Variants in PPIA observed in about 807,000 individuals in gnomAD.
PPIA encodes peptidylprolyl isomerase A.
A neutral mutation model predicts 15.3 loss-of-function variants in PPIA; 2 were observed. That is an observed-to-expected ratio of 0.13 (90% CI 0.05 to 0.41). The LOEUF (loss-of-function observed/expected upper bound fraction) is 0.41. Among genes scored for constraint, PPIA ranks in the 10% least tolerant of loss-of-function variants. The pLI is 0.99. For missense variants in PPIA, 103 were observed against 210.3 expected (o/e 0.49, Z 3.16); for synonymous variants, 67 against 73.1 (o/e 0.92, Z 0.43).
chr7:44,796,901 C>A, intron 1 of PPIA, 108 bp downstream of exon 1: 1 of 1,192,116 alleles, frequency 8.4e-7, no homozygotes, highest in Non-Finnish European at 1.1e-6. Flanking sequence ...GCTTGAGGGG[C>A]GAGCGCGGGC....
chr7:44,798,599 C>A, intron 1 of PPIA: 1 of 347,228 alleles, frequency 2.9e-6, no homozygotes, highest in Non-Finnish European at 4.1e-6. Flanking sequence ...TTATAAAATG[C>A]TACTTTTAAA....
intron 1 of PPIA, among the ~76,000 whole-genome samples, chr7:44,797,408 A>G (rs563839117): frequency 6.6e-6 from 1 of 152,328 alleles, no homozygotes; most frequent in African/African-American, 2.4e-5. Flanking sequence ...TGGATAAAGT[A>G]GGAATATTTA....
chr7:44,797,589 G>T (rs1029446222), intron 1 of PPIA, among the ~76,000 whole-genome samples: 5 of 152,276 alleles, frequency 3.3e-5, no homozygotes, highest in South Asian at 2.1e-4. Flanking sequence ...AGCAAGTTGC[G>T]ACTGGCCACA....
Position 44,803,042 on chromosome 7 carries a change from C to T in PPIA, c.*1620C>T, listed in dbSNP as rs1438470209. 1 of 152,126 alleles carries T rather than the reference C, an allele frequency of 6.6e-6. No individual in the cohort carries two copies. The highest frequency in any genetic ancestry group is 1.5e-5 in the Non-Finnish European group (1 of 68,040). The allele number at this position is 152,126 out of a possible 1,614,324, so 9.4% of individuals were successfully genotyped here. A position where few individuals can be genotyped will look rare whatever the true frequency, so the allele number is the denominator to read the frequency against. On this transcript the variant is annotated 3_prime_UTR_variant, in exon 5 of 5. Coordinates refer to ENST00000468812, the MANE Select transcript of PPIA (RefSeq NM_021130.5). The stretch of plus-strand genomic sequence containing the variant: ...CTGGTTACGTATTCCCTGGGTGATA[C>T]CATTCAATGTCTTAATGTACTTGTG...
Position 44,801,405 on chromosome 7 carries a change from T to C in PPIA, c.481T>C (p.Cys161Arg). The change falls in exon 5 of 5, where the codon TGT (cysteine) becomes CGT (arginine). Residue 161 changes from cysteine (C) to arginine (R), a missense_variant. Coordinates refer to ENST00000468812, the MANE Select transcript of PPIA (RefSeq NM_021130.5). ...CAGCAAGAAGATCACCATTGCTGAC[T>C]GTGGACAACTCGAATAAGTTTGACT... ...KTSKKITIAD[C>R]GQLE The C allele has an allele frequency of 1.3e-6, 2 of 1,550,308 alleles. No homozygotes were observed. The highest frequency in any genetic ancestry group is 1.8e-6 in the Non-Finnish European group (2 of 1,130,210).
At chr7:44,798,976 T>G in intron 1 of PPIA, 1 of 1,191,050 alleles carries the variant, frequency 8.4e-7, no homozygotes, top group Admixed American at 4.0e-5. Context: ...GAAGTAGGTG[T>G]GATGTACTAA....
At chr7:44,798,817 A>G in intron 1 of PPIA, 1 of 995,526 alleles carries the variant, frequency 1.0e-6, no homozygotes, top group Non-Finnish European at 1.2e-6. Context: ...GATTGGAGGT[A>G]GTAGCATTTT....
At position 44,799,408 on chromosome 7, in the gene PPIA, G is replaced by A. The variant is rs959651836; in HGVS notation, c.117G>A (p.Leu39=). Residue 39 remains leucine, a synonymous_variant, in exon 3 of 5, where the codon CTG becomes CTA. Coordinates refer to ENST00000468812, the MANE Select transcript of PPIA (RefSeq NM_021130.5). The part of the protein sequence containing the change: ...VPKTAENFRA[L]STGEKGFGYK... ...TTTAAACAGAAAATTTTCGTGCTCT[G>A]AGCACTGGAGAGAAAGGATTTGGTT... 2 of 1,612,998 alleles carry A rather than the reference G, an allele frequency of 1.2e-6. No individual in the cohort carries two copies. The highest frequency in any genetic ancestry group is 1.7e-6 in the Non-Finnish European group (2 of 1,179,920).
chr7:44,796,978 G>A (rs1376167141), intron 1 of PPIA, among the ~76,000 whole-genome samples, 185 bp downstream of exon 1: 2 of 152,142 alleles, frequency 1.3e-5, no homozygotes, highest in African/African-American at 2.4e-5. Context: ...GGAGGAGGCC[G>A]GGACGGCGGC....
chr7:44,799,682 T>C lies in PPIA; in HGVS notation c.190-20T>C, dbSNP rs1236198068. 5 of 1,613,708 alleles carry C rather than the reference T, an allele frequency of 3.1e-6. No homozygotes were observed. Among genetic ancestry groups the C allele is most frequent in the African/African-American group, 1.3e-5 (1 of 74,934 alleles). ...CATGGTTATGTTGTCAGAAGTGACA[T>C]TTTTCCTATATGTTGACAGGGTGGT... On this transcript the variant is annotated intron_variant, in intron 3 of 4. Coordinates refer to ENST00000468812, the MANE Select transcript of PPIA (RefSeq NM_021130.5).
At chr7:44,801,172 CA>C (rs1202870500) in intron 4 of PPIA, 114 bp from the exon 5 acceptor site, 1 of 1,194,896 alleles carries the variant, frequency 8.4e-7, no homozygotes, top group East Asian at 2.6e-5. Flanking sequence ...ACATTTAGTA[CA>C]AAAGGCTTCA....
At position 44,802,903 on chromosome 7, in the gene PPIA, T is replaced by G. The variant is rs1792608415; in HGVS notation, c.*1481T>G. 1 of 152,220 alleles carries G rather than the reference T, an allele frequency of 6.6e-6. No homozygotes were observed. The highest frequency in any genetic ancestry group is 1.5e-5 in the Non-Finnish European group (1 of 68,042). 9.4% of individuals were successfully genotyped at this position (152,220 alleles called of 1,614,324 possible). On this transcript the variant is annotated 3_prime_UTR_variant, in exon 5 of 5. Transcript: ENST00000468812. ...ACCCAGCAATCAAGTTTGCCTATCC[T>G]AGAGGTGGCGGATTTGATCATTTGG...
intron 1 of PPIA, chr7:44,798,966 G>A: frequency 8.5e-7 from 1 of 1,175,612 alleles, no homozygotes; most frequent in Non-Finnish European, 1.1e-6. Flanking sequence ...TATCTTTTCA[G>A]AAGTAGGTGT....
chr7:44,798,086 G>A (rs563917157), intron 1 of PPIA: 8 of 152,324 alleles, frequency 5.3e-5, no homozygotes, highest in Non-Finnish European at 1.2e-4. Flanking sequence ...TCAGGGAAAT[G>A]AGAAAGGACT....
chr7:44,798,902 C>G (rs1045633522), intron 1 of PPIA: 2 of 1,061,738 alleles, frequency 1.9e-6, no homozygotes, highest in African/African-American at 1.7e-5. Flanking sequence ...AGAATTTTGC[C>G]TTGTAAGTTC....
intron 4 of PPIA, chr7:44,800,398 C>CTTTTTTTTTT (rs57466816): frequency 7.0e-6 from 1 of 142,290 alleles, no homozygotes; most frequent in Non-Finnish European, 1.5e-5. Context: ...CAATTAAGTG[C>CTTTTTTTTTT]TTTTTTTTTT....
rs952331234 is a variant in PPIA at position 44,802,622 on chromosome 7, C to T, written c.*1200C>T. On this transcript the variant is annotated 3_prime_UTR_variant, in exon 5 of 5. Transcript: ENST00000468812. Reference sequence around the variant, plus strand: ...TCAGTCTCCCTGCAGAGGGTTAAGGCGCAGACTACCTGCAGTGAGGAGGTA... The same window carrying T: ...TCAGTCTCCCTGCAGAGGGTTAAGGTGCAGACTACCTGCAGTGAGGAGGTA... 3 of 152,090 alleles carry T rather than the reference C, an allele frequency of 2.0e-5. No individual in the cohort carries two copies. The highest frequency in any genetic ancestry group is 7.2e-5 in the African/African-American group (3 of 41,408). 9.4% of individuals were successfully genotyped at this position (152,090 alleles called of 1,614,324 possible). A position where few individuals can be genotyped will look rare whatever the true frequency, so the allele number is the denominator to read the frequency against.
chr7:44,799,086 G>C, intron 1 of PPIA, 161 bp from the exon 2 acceptor site: 1 of 1,079,168 alleles, frequency 9.3e-7, no homozygotes, highest in Non-Finnish European at 1.3e-6. Flanking sequence ...CCAACTGCCT[G>C]CAGGGCCTTA....
intron 1 of PPIA, among the ~76,000 whole-genome samples, chr7:44,797,259 T>C (rs1468510197): frequency 2.0e-5 from 3 of 152,168 alleles, no homozygotes; most frequent in East Asian, 1.9e-4. Context: ...GCTGGGAAGC[T>C]GTTTGCTTGA....
Sources: gnomAD v4.1 joint callset for allele counts (sites outside exome capture counted in the v4.1 genomes callset) on GRCh38, gnomAD v4.1.1 for gene constraint, MANE v1.5 for transcripts, NCBI Gene and HGNC (gene_info 2026-07-23, HGNC 2026-07-21) for gene names.